RBAK: variants seen among roughly 807,000 people sequenced by gnomAD.
The protein encoded by RBAK is RB-associated KRAB zinc finger protein.
A neutral mutation model predicts 65.8 loss-of-function variants in RBAK; 39 were observed. That is an observed-to-expected ratio of 0.59 (90% CI 0.46 to 0.77). The LOEUF (loss-of-function observed/expected upper bound fraction) is 0.77. Among genes scored for constraint, RBAK ranks in the 30% least tolerant of loss-of-function variants. The pLI, the probability that RBAK is intolerant of heterozygous loss-of-function variation, is 0.00. For synonymous variants in RBAK, 343 were observed against 289.7 expected (o/e 1.18, Z -1.87); for missense variants, 884 against 855.1 (o/e 1.03, Z -0.42).
intron 2 of RBAK, among the ~76,000 whole-genome samples, chr7:5,054,132 C>T (rs887309003): frequency 2.0e-5 from 3 of 152,060 alleles, no homozygotes; most frequent in East Asian, 1.9e-4. Context: ...TCAGCCCGGG[C>T]GTGGTGGCTC....
chr7:5,049,900 G>T (rs1788078995), intron 2 of RBAK, among the ~76,000 whole-genome samples: 1 of 151,914 alleles, frequency 6.6e-6, no homozygotes, highest in Non-Finnish European at 1.5e-5. Context: ...TTATATTTTA[G>T]TAGAGACTGG....
Position 5,045,959 on chromosome 7 carries a change from G to T in RBAK, c.-482G>T, listed in dbSNP as rs796766551. ...AATCGCGGAGCCTGCGGGGCTGGAGGTTGAGCGCCCGGGCCAGCACCTAGG... is the reference window on the plus strand; with the variant it reads ...AATCGCGGAGCCTGCGGGGCTGGAGTTTGAGCGCCCGGGCCAGCACCTAGG... On this transcript the variant is annotated 5_prime_UTR_variant, in exon 1 of 5. Transcript: ENST00000396912. The T allele has an allele frequency of 9.3e-6, 3 of 323,356 alleles. No individual in the cohort carries two copies. Among genetic ancestry groups the T allele is most frequent in the African/African-American group, 2.3e-5 (1 of 42,824 alleles). The allele number at this position is 323,356 out of a possible 1,614,324, so 20.0% of individuals were successfully genotyped here.
In RBAK at chr7:5,057,764, T is replaced by C. The variant is rs1583458096; in HGVS notation, c.223T>C (p.Cys75Arg). The C allele has an allele frequency of 2.5e-6, 4 of 1,613,918 alleles. No individual in the cohort carries two copies. Among genetic ancestry groups the C allele is most frequent in the Non-Finnish European group, 3.4e-6 (4 of 1,179,844 alleles). The change falls in exon 4 of 5, where the codon TGT becomes CGT. Residue 75 changes from cysteine (C) to arginine (R), a missense_variant. Physicochemically the swap from Cys to Arg is radical, Grantham distance 180 (BLOSUM62 -3). Transcript: ENST00000396912. Reference protein sequence around the residue: ...EPWIMGGEFPCQHSPEAWRVD... With the variant: ...EPWIMGGEFPRQHSPEAWRVD... ...GTGGATAATGGGAGGTGAATTTCCA[T>C]GTCAACATAGTCCAGGTAAGTTAGT...
At chr7:5,057,227 G>A (rs1435407968) in intron 2 of RBAK, 68 bp from the exon 3 acceptor site, 10 of 1,611,198 alleles carry the variant, frequency 6.2e-6, no homozygotes, top group African/African-American at 1.3e-5. Context: ...TTACCGGTGG[G>A]CTTTGTAAAA....
intron 2 of RBAK, among the ~76,000 whole-genome samples, chr7:5,050,635 C>T (rs927896282): frequency 4.6e-5 from 7 of 152,116 alleles, no homozygotes; most frequent in Admixed American, 2.0e-4. Context: ...CCCAGGCTGT[C>T]GTGTTTACGG....
In RBAK at chr7:5,066,783, G is replaced by A. The variant is rs1284661742; in HGVS notation, c.*1182G>A. 6.6e-6 allele frequency: 1 copy of A among 152,108 alleles called. No individual in the cohort carries two copies. Among genetic ancestry groups the A allele is most frequent in the African/African-American group, 2.4e-5 (1 of 41,430 alleles). 9.4% of individuals were successfully genotyped at this position (152,108 alleles called of 1,614,324 possible). On this transcript the variant is annotated 3_prime_UTR_variant, in exon 5 of 5. Transcript: ENST00000396912. ...AATCCTGATTAGTCAAAATAATAAT[G>A]ATTTCATTCTCTTTGCCAGTAACTT... is the stretch of plus-strand genomic sequence containing the variant.
At chr7:5,050,565 T>G (rs922148084) in intron 2 of RBAK, among the ~76,000 whole-genome samples, 1 of 152,154 alleles carries the variant, frequency 6.6e-6, no homozygotes, top group African/African-American at 2.4e-5. Flanking sequence ...CTTCTTTATT[T>G]ACTAGCCAAA....
At position 5,064,459 on chromosome 7, in the gene RBAK, C is replaced by T. The variant is rs1562540535; in HGVS notation, c.1003C>T (p.His335Tyr). 4 of 1,614,108 alleles carry T rather than the reference C, an allele frequency of 2.5e-6. No individual in the cohort carries two copies. Among genetic ancestry groups the T allele is most frequent in the Non-Finnish European group, 3.4e-6 (4 of 1,179,976 alleles). ...TTGTCAGAAGTTACACCTCACTCAA[C>T]ACCTAAGAACTCATTCAGGAGAGAA... ...TFCQKLHLTQHLRTHSGEKPY... is the reference protein window; with the variant it reads ...TFCQKLHLTQYLRTHSGEKPY... Residue 335 changes from histidine (H) to tyrosine (Y), a missense_variant, in exon 5 of 5, where the codon CAC (histidine) becomes TAC (tyrosine). Physicochemically the swap from His to Tyr is moderately conservative, Grantham distance 83. Transcript: ENST00000396912. This position sits in a 1 kb window ranked among gnomAD's most constrained non-coding sequence, Gnocchi z 6.3.
In RBAK at chr7:5,046,064, A is replaced by T. The variant is rs1308035506; in HGVS notation, c.-377A>T. 1 of 282,670 alleles carries T rather than the reference A, an allele frequency of 3.5e-6. No homozygotes were observed. Among genetic ancestry groups the T allele is most frequent in the Non-Finnish European group, 6.7e-6 (1 of 148,168 alleles). The allele number at this position is 282,670 out of a possible 1,614,324, so 17.5% of individuals were successfully genotyped here. A position where few individuals can be genotyped will look rare whatever the true frequency, so the allele number is the denominator to read the frequency against. On this transcript the variant is annotated 5_prime_UTR_variant, in exon 1 of 5. Coordinates refer to ENST00000396912, the MANE Select transcript of RBAK (RefSeq NM_021163.4). ...GGGGACCCCCGAGCTTGAGCCCCGG[A>T]GCCGGCGGCGCTGGGGCCAGAGGGG...
Position 5,069,256 on chromosome 7 carries a change from A to G in RBAK, c.*3655A>G, listed in dbSNP as rs1265998580. 1.3e-5 allele frequency: 2 copies of G among 152,208 alleles called. No homozygotes were observed. The highest frequency in any genetic ancestry group is 6.5e-5 in the Admixed American group (1 of 15,276). The allele number at this position is 152,208 out of a possible 1,614,324, so 9.4% of individuals were successfully genotyped here. A position where few individuals can be genotyped will look rare whatever the true frequency, so the allele number is the denominator to read the frequency against. On this transcript the variant is annotated 3_prime_UTR_variant, in exon 5 of 5. Coordinates refer to ENST00000396912, the MANE Select transcript of RBAK (RefSeq NM_021163.4). ...CTGCACAACAGGAATTAAATGGCAG[A>G]TTTTGCATAATTCTGTGCAGGAAAT... is the stretch of plus-strand genomic sequence containing the variant.
Position 5,066,260 on chromosome 7 carries a change from T to C in RBAK, c.*659T>C, listed in dbSNP as rs886982819. On this transcript the variant is annotated 3_prime_UTR_variant, in exon 5 of 5. Coordinates refer to ENST00000396912, the MANE Select transcript of RBAK (RefSeq NM_021163.4). ...TGTTGGTGAGATAATATTTAATAGG[T>C]ATAAAATGGTAAAATACCTAGTTTT... is the stretch of plus-strand genomic sequence containing the variant. 2.0e-5 allele frequency: 3 copies of C among 152,572 alleles called. No homozygotes were observed. The highest frequency in any genetic ancestry group is 2.9e-5 in the Non-Finnish European group (2 of 68,010). The allele number at this position is 152,572 out of a possible 1,614,324, so 9.5% of individuals were successfully genotyped here.
At chr7:5,057,842 G>C in intron 4 of RBAK, 63 bp downstream of exon 4, 1 of 1,592,142 alleles carries the variant, frequency 6.3e-7, no homozygotes, top group Non-Finnish European at 8.6e-7. Context: ...AGAGACTAAA[G>C]AGTTGTTTAT....
In RBAK at chr7:5,048,207, C is replaced by G. The variant is rs1441944630; in HGVS notation, c.15+116C>G. 4 of 1,455,018 alleles carry G rather than the reference C, an allele frequency of 2.7e-6. No homozygotes were observed. In the East Asian group the frequency reaches 1.0e-4, roughly 37 times the overall value. 90.1% of individuals were successfully genotyped at this position (1,455,018 alleles called of 1,614,324 possible). On this transcript the variant is annotated intron_variant, in intron 2 of 4. Coordinates refer to ENST00000396912, the MANE Select transcript of RBAK (RefSeq NM_021163.4). The surrounding 1 kb of genome is among the most constrained non-coding windows in gnomAD (Gnocchi z 4.4). ...TTTTTTTTTGAGATGGAGTCTTGCT[C>G]TGTTGCCCAGGCTGGAGTGCAGTGG...
At position 5,064,404 on chromosome 7, in the gene RBAK, C is replaced by G. The variant is rs371809262; in HGVS notation, c.948C>G (p.Pro316=). ...GGAGATCACACTTAGAGGAGAAGCC[C>G]TATAAATGTAATGAATGTGGGAAAA... The part of the protein sequence containing the change: ...VHRRSHLEEK[P]YKCNECGKTF... The change falls in exon 5 of 5, where the codon CCC becomes CCG. Residue 316 remains proline (P), a synonymous_variant. Coordinates refer to ENST00000396912, the MANE Select transcript of RBAK (RefSeq NM_021163.4). This position sits in a 1 kb window ranked among gnomAD's most constrained non-coding sequence, Gnocchi z 6.3. 2.2e-5 allele frequency: 35 copies of G among 1,613,852 alleles called. No individual in the cohort carries two copies. The highest frequency in any genetic ancestry group is 9.3e-5 in the African/African-American group (7 of 74,878).
intron 2 of RBAK, among the ~76,000 whole-genome samples, chr7:5,049,310 G>C (rs1788064589): frequency 6.6e-6 from 1 of 152,204 alleles, no homozygotes. Context: ...CCAGTAGACA[G>C]AATTCTGTTT....
intron 2 of RBAK, among the ~76,000 whole-genome samples, chr7:5,051,561 T>A (rs1303971131): frequency 6.6e-6 from 1 of 152,206 alleles, no homozygotes; most frequent in Admixed American, 6.5e-5. Context: ...ATAATTTCCT[T>A]TATAGCAATT....
rs1189168615 is a variant in RBAK at position 5,069,415 on chromosome 7, T to C, written c.*3814T>C. The C allele has an allele frequency of 6.6e-6, 1 of 152,204 alleles. No homozygotes were observed. Among genetic ancestry groups the C allele is most frequent in the Non-Finnish European group, 1.5e-5 (1 of 68,038 alleles). The allele number at this position is 152,204 out of a possible 1,614,324, so 9.4% of individuals were successfully genotyped here. On this transcript the variant is annotated 3_prime_UTR_variant, in exon 5 of 5. Coordinates refer to ENST00000396912, the MANE Select transcript of RBAK (RefSeq NM_021163.4). Reference sequence around the variant, plus strand: ...TTACATACTTTGTCATCCTATACTTTTGCATATATAAATAGGTCTGAGCTG... The same window carrying C: ...TTACATACTTTGTCATCCTATACTTCTGCATATATAAATAGGTCTGAGCTG...
At position 5,057,280 on chromosome 7, in the gene RBAK, A is replaced by G; in HGVS notation, c.16-15A>G. On this transcript the variant is annotated splice_polypyrimidine_tract_variant and intron_variant, in intron 2 of 4. Transcript: ENST00000396912. ...TTTTCCGTATCTCCCAATTCTGATC[A>G]TGTTGCCATTACAGGGGCCAGTGTC... is the stretch of plus-strand genomic sequence containing the variant. The G allele has an allele frequency of 6.2e-7, 1 of 1,613,866 alleles. No individual in the cohort carries two copies. Among genetic ancestry groups the G allele is most frequent in the Non-Finnish European group, 8.5e-7 (1 of 1,179,982 alleles).
Position 5,064,272 on chromosome 7 carries a change from A to G in RBAK, c.816A>G (p.Lys272=). 6.2e-7 allele frequency: 1 copy of G among 1,614,176 alleles called. No homozygotes were observed. The highest frequency in any genetic ancestry group is 8.5e-7 in the Non-Finnish European group (1 of 1,180,010). ...ECSECGKSFC[K]KSKFIIHQRA... ...GTGAATGTGGAAAATCCTTCTGTAAAAAGTCAAAATTCATCATCCACCAGA... is the reference window on the plus strand; with the variant it reads ...GTGAATGTGGAAAATCCTTCTGTAAGAAGTCAAAATTCATCATCCACCAGA... Residue 272 remains lysine (K), a synonymous_variant, in exon 5 of 5, where the codon AAA becomes AAG. Coordinates refer to ENST00000396912, the MANE Select transcript of RBAK (RefSeq NM_021163.4). This position sits in a 1 kb window ranked among gnomAD's most constrained non-coding sequence, Gnocchi z 6.3.
Sources: gnomAD v4.1 joint callset for allele counts (sites outside exome capture counted in the v4.1 genomes callset) on GRCh38, gnomAD v4.1.1 for gene constraint, Gnocchi (gnomAD v3.1) non-coding constraint, MANE v1.5 for transcripts, NCBI Gene and HGNC (gene_info 2026-07-23, HGNC 2026-07-21) for gene names.